Variants in KLF8 observed in about 807,000 individuals in gnomAD.
The protein encoded by KLF8 is KLF transcription factor 8.
KLF8 carries 10 observed loss-of-function variants against 18.2 expected under a neutral mutation model. The observed-to-expected ratio is 0.55, with a 90% CI of 0.34 to 0.93. The LOEUF (loss-of-function observed/expected upper bound fraction) is 0.93, where lower values mean the gene tolerates loss of function less well. Among genes scored for constraint, KLF8 ranks in the 40% least tolerant of loss-of-function variants. The pLI is 0.02. For synonymous variants in KLF8, 109 were observed against 97.3 expected, an observed-to-expected ratio of 1.12 and a Z score of -0.71; for missense variants, 264 against 277.9, an observed-to-expected ratio of 0.95 and a Z score of 0.36.
intron 3 of KLF8, 141 bp downstream of exon 3, chrX:56,265,885 A>T: frequency 9.4e-7 from 1 of 1,064,721 alleles, no homozygotes; most frequent in Non-Finnish European, 1.2e-6. Flanking sequence ...ACTGTTTTTT[A>T]TGTCTTTTTA....
the KLF8 span, among the ~76,000 whole-genome samples, chrX:56,113,176 C>T: frequency 2.8e-4 from 28 of 101,806 alleles, no homozygotes; most frequent in Non-Finnish European, 5.3e-4. Flanking sequence ...CCAGCCTGGG[C>T]GACAGAGCAA....
chrX:56,090,414 C>A, the KLF8 span, among the ~76,000 whole-genome samples: 1 of 111,348 alleles, frequency 9.0e-6, no homozygotes, highest in African/African-American at 3.3e-5. Flanking sequence ...ACATGCAATA[C>A]GAAGACACAG....
chrX:56,196,190 C>G, the KLF8 span, among the ~76,000 whole-genome samples: 3 of 111,173 alleles, frequency 2.7e-5, no homozygotes, highest in Non-Finnish European at 5.7e-5. Context: ...GCAAAATAAC[C>G]AACTAACATC....
chrX:56,012,872 A>G, the KLF8 span, among the ~76,000 whole-genome samples: 1 of 112,201 alleles, frequency 8.9e-6, no homozygotes, highest in African/African-American at 3.2e-5. Flanking sequence ...TCTAAAATTT[A>G]TATGGAACCA....
the KLF8 span, among the ~76,000 whole-genome samples, chrX:56,118,032 A>G: frequency 9.0e-6 from 1 of 111,545 alleles, no homozygotes; most frequent in Non-Finnish European, 1.9e-5. Context: ...TGCTAATTCC[A>G]TTCCGTGAGG....
chrX:56,087,598 T>G, the KLF8 span, among the ~76,000 whole-genome samples: 3 of 111,006 alleles, frequency 2.7e-5, no homozygotes, highest in Middle Eastern at 4.6e-3. Flanking sequence ...CTTCTTTTCT[T>G]TATAAATTAT....
chrX:55,942,440 G>A, the KLF8 span, among the ~76,000 whole-genome samples: 1 of 110,131 alleles, frequency 9.1e-6, no homozygotes, highest in Admixed American at 9.8e-5. Context: ...AATGGGTGCA[G>A]CACACCAACA....
chrX:56,067,879 A>C, the KLF8 span, among the ~76,000 whole-genome samples: 1 of 112,630 alleles, frequency 8.9e-6, no homozygotes, highest in African/African-American at 3.2e-5. Flanking sequence ...TAGAGGCCAA[A>C]GTGGCAGTAT....
the KLF8 span, among the ~76,000 whole-genome samples, chrX:56,155,218 A>C: frequency 8.9e-6 from 1 of 112,025 alleles, no homozygotes; most frequent in South Asian, 3.8e-4. Flanking sequence ...ATGTCCAACA[A>C]TGATAGACTG....
the KLF8 span, among the ~76,000 whole-genome samples, chrX:56,058,622 G>T: frequency 9.3e-6 from 1 of 107,526 alleles, no homozygotes; most frequent in Non-Finnish European, 1.9e-5. Flanking sequence ...CTGTTCCTGT[G>T]TTAGTTTGCT....
the KLF8 span, among the ~76,000 whole-genome samples, chrX:56,035,742 G>A: frequency 9.0e-6 from 1 of 111,357 alleles, no homozygotes; most frequent in Non-Finnish European, 1.9e-5. Flanking sequence ...TCATATATTT[G>A]TTGGCCATTT....
chrX:56,228,435 A>T (rs2066382625), upstream of KLF8, among the ~76,000 whole-genome samples: 1 of 112,049 alleles, frequency 8.9e-6, no homozygotes, highest in Admixed American at 9.5e-5. Flanking sequence ...GTAAAGCTTA[A>T]GCTTCATTAA....
chrX:56,124,600 A>G, the KLF8 span, among the ~76,000 whole-genome samples: 2 of 111,680 alleles, frequency 1.8e-5, no homozygotes, highest in Non-Finnish European at 3.8e-5. Context: ...AGTCTTCTGC[A>G]TCATTGCCAA....
In KLF8 at chrX:56,269,459, C is replaced by G; in HGVS notation, c.728C>G (p.Ala243Gly). ...EESTIESGSS[A>G]LQSLQGLQQE... is the part of the protein sequence containing the mutation. ...AGTACAATTGAGAGTGGATCCTCAG[C>G]CTTGCAGAGTCTGCAGGGACTACAG... The change falls in exon 4 of 6, where the codon GCC becomes GGC. Residue 243 changes from alanine to glycine, a missense_variant. Ala to Gly is a moderately conservative substitution (Grantham distance 60). Transcript: ENST00000468660. The G allele has an allele frequency of 1.7e-6, 2 of 1,206,343 alleles. No homozygotes were observed. Among genetic ancestry groups the G allele is most frequent in the Non-Finnish European group, 2.2e-6 (2 of 893,009 alleles).
chrX:56,103,471 C>T, the KLF8 span, among the ~76,000 whole-genome samples: 1 of 111,359 alleles, frequency 9.0e-6, no homozygotes, highest in Non-Finnish European at 1.9e-5. Flanking sequence ...CTCTTTGAAG[C>T]AATTGTGAAT....
At chrX:55,912,156 T>C in the KLF8 span, among the ~76,000 whole-genome samples, 1 of 111,577 alleles carries the variant, frequency 9.0e-6, no homozygotes, top group African/African-American at 3.3e-5. Context: ...TTTCAGGCCC[T>C]ACCCCAGACA....
the KLF8 span, among the ~76,000 whole-genome samples, chrX:56,144,304 G>GA: frequency 1.8e-5 from 2 of 110,696 alleles, no homozygotes; most frequent in African/African-American, 6.6e-5. Context: ...CACAAACAAA[G>GA]AAAAAACAAA....
At chrX:56,041,667 T>TTTGTTGTTG in the KLF8 span, among the ~76,000 whole-genome samples, 192 of 96,445 alleles carry the variant, frequency 2.0e-3, no homozygotes, top group African/African-American at 7.9e-3. Context: ...TCTCTCTAGT[T>TTTGTTGTTG]TTGTTGTTGT....
chrX:56,151,370 A>T, the KLF8 span, among the ~76,000 whole-genome samples: 1 of 111,871 alleles, frequency 8.9e-6, no homozygotes, highest in Non-Finnish European at 1.9e-5. Flanking sequence ...GAAGCCAGTT[A>T]AGTGGTTATT....
Sources: gnomAD v4.1 joint callset for allele counts (sites outside exome capture counted in the v4.1 genomes callset) on GRCh38, gnomAD v4.1.1 for gene constraint, MANE v1.5 for transcripts, NCBI Gene and HGNC (gene_info 2026-07-23, HGNC 2026-07-21) for gene names.